The following ZFHX3 variants were observed in gnomAD, a reference collection of about 807,000 sequenced individuals.
ZFHX3 encodes zinc finger homeobox protein 3.
ZFHX3 carries 42 observed loss-of-function variants against 279.1 expected under a neutral mutation model. That is an observed-to-expected ratio of 0.15 (90% CI 0.12 to 0.19). The LOEUF (loss-of-function observed/expected upper bound fraction) is 0.19, where lower values mean the gene tolerates loss of function less well. Ranked by LOEUF, ZFHX3 falls within the 10% of genes least tolerant of loss-of-function variation. ZFHX3 has a pLI of 1.00. For synonymous variants in ZFHX3, 2,293 were observed against 1,957.8 expected (o/e 1.17, Z -4.52); for missense variants, 4,981 against 4,754.0 (o/e 1.05, Z -1.40).
chr16:72,985,175 T>C (rs1962792238), intron 1 of ZFHX3, among the ~76,000 whole-genome samples: 1 of 152,152 alleles, frequency 6.6e-6, no homozygotes, highest in African/African-American at 2.4e-5. Context: ...TCTCCTAAAC[T>C]GTCCTTGTCA....
intron 5 of ZFHX3, among the ~76,000 whole-genome samples, chr16:72,817,558 C>T (rs2036648678): frequency 6.6e-6 from 1 of 152,208 alleles, no homozygotes; most frequent in South Asian, 2.1e-4. Flanking sequence ...CAAAATTCAT[C>T]TTCTCATCAC....
intron 7 of ZFHX3, among the ~76,000 whole-genome samples, chr16:73,103,327 C>T (rs11075964): frequency 0.73 from 110,133 of 151,854 alleles, 40,138 homozygotes; most frequent in South Asian, 0.87. Flanking sequence ...CTCCCCGCCT[C>T]ACTCATGTAC....
At position 73,425,213 on chromosome 16, in the gene ZFHX3, C is replaced by G. The variant is rs16971947; in HGVS notation, c.-1291+30790G>C. 9.9e-3 allele frequency among the ~76,000 whole-genome samples: 1,508 copies of G among 152,310 alleles called. 20 individuals are homozygous for G. The highest frequency in any genetic ancestry group is 0.034 in the African/African-American group (1,408 of 41,568). On this transcript the variant is annotated intron_variant, in intron 3 of 17. Coordinates refer to the ZFHX3 transcript ENST00000641206. ...AGAAGCTGGGGAAGTATATTCCTGG[C>G]AAGTACTTTGTAGACATCTATCTCT...
intron 1 of ZFHX3, among the ~76,000 whole-genome samples, chr16:73,839,302 C>G (rs1224096044): frequency 1.0e-5 from 1 of 96,034 alleles, no homozygotes; most frequent in Non-Finnish European, 1.9e-5. Flanking sequence ...GTGGAACTTG[C>G]AGCAACAGAG....
At chr16:73,164,053 C>A (rs936841563) in intron 5 of ZFHX3, among the ~76,000 whole-genome samples, 1 of 152,148 alleles carries the variant, frequency 6.6e-6, no homozygotes, top group African/African-American at 2.4e-5. Flanking sequence ...GCCGATCCTG[C>A]AACTGCCGCA....
At chr16:73,749,073 C>T (rs1320223442) in intron 1 of ZFHX3, among the ~76,000 whole-genome samples, 1 of 152,114 alleles carries the variant, frequency 6.6e-6, no homozygotes, top group African/African-American at 2.4e-5. Context: ...CAGGTGTGAG[C>T]CACCATGCCC....
chr16:72,884,314 T>A (rs1200250216), intron 4 of ZFHX3, among the ~76,000 whole-genome samples: 2 of 152,162 alleles, frequency 1.3e-5, no homozygotes, highest in African/African-American at 4.8e-5. Flanking sequence ...CAAAGACGTA[T>A]CTGTAAAGGG....
Position 72,889,894 on chromosome 16 carries a change from G to A in ZFHX3, c.3285C>T (p.Tyr1095=), listed in dbSNP as rs917469699. The change falls in exon 4 of 10, where the codon TAC becomes TAT. Residue 1095 remains tyrosine, a synonymous_variant. Transcript: ENST00000268489. ...SCYYHCVLCN[Y]STKAKLNLIQ... Reference sequence around the variant, plus strand: ...TGAGGTTGAGCTTGGCCTTGGTGGAGTAGTTGCACAGAACGCAGTGGTAGT... The same window carrying A: ...TGAGGTTGAGCTTGGCCTTGGTGGAATAGTTGCACAGAACGCAGTGGTAGT... 7.4e-6 allele frequency: 12 copies of A among 1,614,068 alleles called. No homozygotes were observed. Among genetic ancestry groups the A allele is most frequent in the Middle Eastern group, 1.7e-4 (1 of 6,052 alleles).
chr16:73,514,008 G>A lies in ZFHX3; in HGVS notation c.-1546-57750C>T, dbSNP rs146018906. ...CAGTGGCTGTAATCCCAGCACTTTG[G>A]GAGGCCAAGGCAGTCAGATCCCAAT... On this transcript the variant is annotated intron_variant, in intron 2 of 17. Transcript: ENST00000641206. Among the ~76,000 whole-genome samples the A allele has an allele frequency of 5.2e-3, 791 of 152,268 alleles. 16 individuals carry two copies. Among genetic ancestry groups the A allele is most frequent in the African/African-American group, 0.017 (716 of 41,538 alleles).
intron 2 of ZFHX3, among the ~76,000 whole-genome samples, chr16:73,518,743 G>A (rs898620380): frequency 3.3e-5 from 5 of 152,172 alleles, no homozygotes; most frequent in Admixed American, 1.3e-4. Context: ...TCCTTCGGCT[G>A]CTTTTTCCCC....
At chr16:73,821,926 A>T (rs1035749547) in intron 1 of ZFHX3, among the ~76,000 whole-genome samples, 9 of 152,150 alleles carry the variant, frequency 5.9e-5, no homozygotes, top group Admixed American at 5.9e-4. Context: ...AACGGTCACA[A>T]CCCAAAGACT....
At chr16:73,074,610 G>C (rs976953064) in intron 8 of ZFHX3, among the ~76,000 whole-genome samples, 8 of 150,692 alleles carry the variant, frequency 5.3e-5, no homozygotes, top group African/African-American at 1.5e-4. Flanking sequence ...CAATGATGAC[G>C]ACAATGATGA....
intron 2 of ZFHX3, among the ~76,000 whole-genome samples, chr16:73,662,475 A>G (rs955804568): frequency 9.5e-6 from 1 of 105,244 alleles, no homozygotes; most frequent in Non-Finnish European, 2.2e-5. Flanking sequence ...AACACTTTCG[A>G]TTTTTCTTCC....
intron 1 of ZFHX3, chr16:73,813,771 T>A (rs976577026): frequency 2.6e-5 from 4 of 152,200 alleles, no homozygotes; most frequent in African/African-American, 2.4e-5. Flanking sequence ...TCAGACCCAG[T>A]AGGTCCTCCG....
intron 4 of ZFHX3, among the ~76,000 whole-genome samples, chr16:72,849,160 G>C (rs1409526123): frequency 6.6e-6 from 1 of 152,218 alleles, no homozygotes; most frequent in East Asian, 1.9e-4. Context: ...CAGTGCGTGT[G>C]AGCCACTGAC....
intron 3 of ZFHX3, among the ~76,000 whole-genome samples, chr16:73,451,692 T>C (rs779460212): frequency 1.3e-5 from 2 of 152,206 alleles, no homozygotes; most frequent in African/African-American, 2.4e-5. Flanking sequence ...TTTGCCTCTT[T>C]TAATATTTCT....
intron 5 of ZFHX3, among the ~76,000 whole-genome samples, chr16:73,166,843 G>A (rs1302379372): frequency 6.6e-6 from 1 of 152,168 alleles, no homozygotes; most frequent in Non-Finnish European, 1.5e-5. Flanking sequence ...AGAGTCACCT[G>A]AGGACCCTCC....
At chr16:73,513,219 A>G (rs899713263) in intron 2 of ZFHX3, among the ~76,000 whole-genome samples, 1 of 152,196 alleles carries the variant, frequency 6.6e-6, no homozygotes, top group Admixed American at 6.5e-5. Flanking sequence ...AACACTGACC[A>G]TGGGGCTCTA....
intron 3 of ZFHX3, among the ~76,000 whole-genome samples, chr16:73,390,764 C>A (rs894291913): frequency 6.6e-6 from 1 of 151,948 alleles, no homozygotes; most frequent in East Asian, 1.9e-4. Context: ...GAAAGGAGAT[C>A]TTTCTTATTA....
Sources: gnomAD v4.1 joint callset for allele counts (sites outside exome capture counted in the v4.1 genomes callset) on GRCh38, gnomAD v4.1.1 for gene constraint, MANE v1.5 for transcripts, NCBI Gene and HGNC (gene_info 2026-07-23, HGNC 2026-07-21) for gene names.